The following AHCY variants were observed in gnomAD, a reference collection of about 807,000 sequenced individuals.
AHCY encodes S-adenosyl-L-homocysteine hydrolase.
A neutral mutation model predicts 45.4 loss-of-function variants in AHCY; 24 were observed. That is an observed-to-expected ratio of 0.53 (90% CI 0.38 to 0.74). AHCY has a LOEUF of 0.74. Ranked by LOEUF, AHCY falls within the 30% of genes least tolerant of loss-of-function variation. AHCY has a pLI of 0.00. For missense variants in AHCY, 449 were observed against 594.1 expected, an observed-to-expected ratio of 0.76 and a Z score of 2.54; for synonymous variants, 245 against 235.1, an observed-to-expected ratio of 1.04 and a Z score of -0.39.
chr20:34,291,347 G>A (rs1389305849), intron 5 of AHCY, 72 bp downstream of exon 5: 5 of 1,375,362 alleles, frequency 3.6e-6, no homozygotes, highest in African/African-American at 2.9e-5. Flanking sequence ...GCCTTCCTGG[G>A]CACTCTTCTT....
At chr20:34,234,102 G>A in the AHCY span, among the ~76,000 whole-genome samples, 1 of 152,208 alleles carries the variant, frequency 6.6e-6, no homozygotes, top group Non-Finnish European at 1.5e-5. Flanking sequence ...ATGGATCTAA[G>A]TGGCAACTGT....
At chr20:34,289,692 G>A (rs565980310) in intron 8 of AHCY, among the ~76,000 whole-genome samples, 1 of 151,372 alleles carries the variant, frequency 6.6e-6, no homozygotes, top group South Asian at 2.1e-4. Context: ...TGGTCAGGCT[G>A]GTCTCGAACC....
intron 3 of AHCY, 96 bp downstream of exon 3, chr20:34,293,985 T>A (rs2036488208): frequency 5.5e-6 from 7 of 1,278,014 alleles, no homozygotes; most frequent in Non-Finnish European, 7.9e-6. Context: ...TCTCCCTTTC[T>A]GATATGTAAG....
At chr20:34,243,755 AT>A in the AHCY span, among the ~76,000 whole-genome samples, 9 of 137,326 alleles carry the variant, frequency 6.6e-5, no homozygotes, top group South Asian at 8.4e-4. Flanking sequence ...CTAATATTGT[AT>A]TTAAAAAAAA....
upstream of AHCY, among the ~76,000 whole-genome samples, chr20:34,305,720 G>A (rs1410015030): frequency 6.6e-6 from 1 of 152,116 alleles, no homozygotes; most frequent in Non-Finnish European, 1.5e-5. Context: ...TATGAATGCT[G>A]GTCTTTGTCA....
chr20:34,290,991 A>G lies in AHCY; in HGVS notation c.559-53T>C. 5 of 1,581,780 alleles carry G rather than the reference A, an allele frequency of 3.2e-6. No individual in the cohort carries two copies. Among genetic ancestry groups the G allele is most frequent in the Non-Finnish European group, 2.6e-6 (3 of 1,153,104 alleles). ...TAGGGGCAGGCAAGGCCCTGGGGCC[A>G]GGACAACTTGGCCTCAGAGTATTCT... On this transcript the variant is annotated intron_variant, in intron 5 of 9. Transcript: ENST00000217426. This position sits in a 1 kb window ranked among gnomAD's most constrained non-coding sequence, Gnocchi z 4.5.
intron 5 of AHCY, among the ~76,000 whole-genome samples, chr20:34,291,187 G>A (rs768633853): frequency 5.9e-5 from 9 of 152,166 alleles, no homozygotes; most frequent in Non-Finnish European, 8.8e-5. Flanking sequence ...GAGATTGCCC[G>A]GTCAAAGACC....
chr20:34,251,129 T>C, the AHCY span, among the ~76,000 whole-genome samples: 1 of 152,180 alleles, frequency 6.6e-6, no homozygotes, highest in African/African-American at 2.4e-5. Flanking sequence ...TTAATACAAT[T>C]GCAGTGGGCT....
chr20:34,280,107 A>T (rs1354830402), downstream of AHCY, among the ~76,000 whole-genome samples: 1 of 152,118 alleles, frequency 6.6e-6, no homozygotes, highest in Non-Finnish European at 1.5e-5. Context: ...AAAACGAAAG[A>T]GTTCCCTCTT....
chr20:34,292,630 C>G, intron 3 of AHCY, 123 bp from the exon 4 acceptor site: 3 of 1,414,776 alleles, frequency 2.1e-6, no homozygotes, highest in African/African-American at 1.4e-5. Context: ...TCCGGCCCCT[C>G]TGAAAACTCA....
chr20:34,300,375 A>ATGGC (rs1158730194), intron 1 of AHCY, among the ~76,000 whole-genome samples: 2 of 151,996 alleles, frequency 1.3e-5, no homozygotes, highest in African/African-American at 4.8e-5. Flanking sequence ...AAACCCTCCA[A>ATGGC]TGGCTTCCCT....
the AHCY span, among the ~76,000 whole-genome samples, chr20:34,273,599 C>A: frequency 6.6e-6 from 1 of 152,198 alleles, no homozygotes; most frequent in Non-Finnish European, 1.5e-5. Context: ...CCCAGTCATA[C>A]AGTAGGAACT....
chr20:34,266,132 C>A, the AHCY span, among the ~76,000 whole-genome samples: 1 of 145,348 alleles, frequency 6.9e-6, no homozygotes, highest in African/African-American at 2.6e-5. Context: ...GGTGGGTGGA[C>A]CACAAGGTCA....
the AHCY span, among the ~76,000 whole-genome samples, chr20:34,252,688 A>G: frequency 0.12 from 17,444 of 151,686 alleles, 3,429 homozygotes; most frequent in African/African-American, 0.4. Flanking sequence ...CTCAGCACAG[A>G]CCCTTTATGG....
At chr20:34,242,215 AT>A in the AHCY span, among the ~76,000 whole-genome samples, 3 of 151,090 alleles carry the variant, frequency 2.0e-5, no homozygotes, top group African/African-American at 7.3e-5. Flanking sequence ...TTATTTTATT[AT>A]TTTTATTTTA....
Position 34,290,768 on chromosome 20 carries a change from C to T in AHCY, c.729G>A (p.Glu243=), listed in dbSNP as rs191376298. ...CCTGCAGTGCGTTGATGGGGTCAAT[C>T]TCGGTGATGATGACGCGGGCTCCGA... is the stretch of plus-strand genomic sequence containing the variant. ...RGFGARVIIT[E]IDPINALQAA... is the part of the protein sequence containing the mutation. Residue 243 remains glutamate (E), a synonymous_variant, in exon 6 of 10, where the codon GAG becomes GAA. Transcript: ENST00000217426. This position sits in a 1 kb window ranked among gnomAD's most constrained non-coding sequence, Gnocchi z 4.5. The T allele has an allele frequency of 1.2e-6, 2 of 1,614,090 alleles. No homozygotes were observed. The highest frequency in any genetic ancestry group is 2.2e-5 in the South Asian group (2 of 91,076).
intron 3 of AHCY, 92 bp from the exon 4 acceptor site, chr20:34,292,599 C>T (rs2122769678): frequency 1.3e-6 from 2 of 1,569,614 alleles, no homozygotes; most frequent in Middle Eastern, 2.2e-4. Context: ...ACCTCCTTCC[C>T]AACTCCCATC....
At chr20:34,276,214 C>T (rs139240205), downstream of AHCY, among the ~76,000 whole-genome samples, 67 of 152,224 alleles carry the variant, frequency 4.4e-4, 1 homozygote, top group East Asian at 6.0e-3. Context: ...ACACTGGGGA[C>T]GTTGTTAAAA....
intron 1 of AHCY, chr20:34,302,647 A>G (rs2036816642): frequency 2.0e-6 from 2 of 985,858 alleles, no homozygotes; most frequent in Non-Finnish European, 2.4e-6. Context: ...GGATTTTTCA[A>G]ACCACTCCAA....
Sources: allele counts gnomAD v4.1 joint callset (sites outside exome capture counted in the v4.1 genomes callset), GRCh38; gene constraint gnomAD v4.1.1; non-coding constraint Gnocchi (gnomAD v3.1); transcripts MANE v1.5; gene names NCBI Gene and HGNC (gene_info 2026-07-23, HGNC 2026-07-21).